INTS6L: variants seen among roughly 807,000 people sequenced by gnomAD.
INTS6L encodes the protein integrator complex subunit 6 like, also known as integrator complex subunit 6-like.
Under a neutral mutation model 64.7 loss-of-function variants are expected in INTS6L, and 18 were observed. That is an observed-to-expected ratio of 0.28 (90% CI 0.19 to 0.41). INTS6L has a LOEUF of 0.41. Among genes scored for constraint, INTS6L ranks in the 10% least tolerant of loss-of-function variants. The pLI is 1.00. For synonymous variants in INTS6L, 227 were observed against 235.9 expected (o/e 0.96, Z 0.34); for missense variants, 533 against 661.0 (o/e 0.81, Z 2.12).
At chrX:135,567,434 G>A (rs2086982063) in intron 9 of INTS6L, among the ~76,000 whole-genome samples, 1 of 111,830 alleles carries the variant, frequency 8.9e-6, no homozygotes, top group African/African-American at 3.2e-5. Context: ...GACTAAGGCA[G>A]TGTCACCCCA....
At chrX:135,557,188 A>G (rs1416220208) in intron 9 of INTS6L, among the ~76,000 whole-genome samples, 1 of 111,733 alleles carries the variant, frequency 8.9e-6, no homozygotes, top group African/African-American at 3.2e-5. Flanking sequence ...GCTGATTATC[A>G]TTAACATAAG....
chrX:135,535,511 A>C (rs1291017019), intron 2 of INTS6L, among the ~76,000 whole-genome samples: 2 of 112,331 alleles, frequency 1.8e-5, no homozygotes, highest in Non-Finnish European at 3.8e-5. Context: ...TTGGAAAAGC[A>C]GGGCTTCTTA....
intron 9 of INTS6L, among the ~76,000 whole-genome samples, chrX:135,563,680 T>G (rs1418756616): frequency 2.4e-5 from 2 of 83,393 alleles, no homozygotes; most frequent in African/African-American, 9.0e-5. Flanking sequence ...GCTATATATA[T>G]AGCTAGGTAT....
intron 2 of INTS6L, among the ~76,000 whole-genome samples, chrX:135,532,301 G>A (rs181220846): frequency 8.9e-6 from 1 of 112,456 alleles, no homozygotes; most frequent in Non-Finnish European, 1.9e-5. Context: ...GGATGTTGGC[G>A]ATATGCAGAG....
intron 9 of INTS6L, among the ~76,000 whole-genome samples, chrX:135,568,214 G>A (rs1398255631): frequency 1.9e-4 from 21 of 111,362 alleles, no homozygotes; most frequent in East Asian, 2.8e-4. Context: ...ATTTTCATGC[G>A]TATATAAAAT....
At chrX:135,567,245 C>T (rs781996439) in intron 9 of INTS6L, among the ~76,000 whole-genome samples, 2 of 111,677 alleles carry the variant, frequency 1.8e-5, no homozygotes, top group Non-Finnish European at 3.8e-5. Context: ...GAGAAAATAC[C>T]GGTCATTTTT....
At chrX:135,562,274 TG>T (rs1482872212) in intron 9 of INTS6L, among the ~76,000 whole-genome samples, 1 of 112,032 alleles carries the variant, frequency 8.9e-6, no homozygotes, top group African/African-American at 3.2e-5. Context: ...TATTTAGAAG[TG>T]TATTGTTTGA....
chrX:135,543,010 A>G (rs782430970), intron 2 of INTS6L, among the ~76,000 whole-genome samples: 1 of 110,986 alleles, frequency 9.0e-6, no homozygotes, highest in South Asian at 3.8e-4. Flanking sequence ...CCTCTGAAAT[A>G]CTTCCTTAAT....
intron 2 of INTS6L, among the ~76,000 whole-genome samples, chrX:135,522,271 GC>G (rs1279564752): frequency 2.7e-5 from 3 of 112,065 alleles, no homozygotes; most frequent in Non-Finnish European, 5.6e-5. Flanking sequence ...GTTTGTGCTA[GC>G]CACGTAGGAA....
intron 11 of INTS6L, chrX:135,572,160 C>G (rs1556527869): frequency 8.9e-6 from 1 of 111,785 alleles, no homozygotes; most frequent in African/African-American, 3.2e-5. Context: ...ATGTAAAACA[C>G]AAAATATGCC....
chrX:135,537,165 A>G (rs2086078939), intron 2 of INTS6L, among the ~76,000 whole-genome samples: 1 of 111,967 alleles, frequency 8.9e-6, no homozygotes, highest in South Asian at 3.7e-4. Flanking sequence ...AGAAAAGTGC[A>G]AATTCTCTCC....
rs782552833 is a variant in INTS6L at position 135,575,194 on chromosome X, A to G, written c.1852A>G (p.Thr618Ala). Residue 618 changes from threonine (T) to alanine (A), a missense_variant, in exon 14 of 18, where the codon ACT (threonine) becomes GCT (alanine). Coordinates refer to ENST00000639893, the MANE Select transcript of INTS6L (RefSeq NM_001351601.3). The part of the protein sequence containing the change: ...IDPDQPKRLH[T>A]FGNPFKQDKK... The stretch of plus-strand genomic sequence containing the variant: ...TCCAGACCAACCCAAAAGACTGCAT[A>G]CTTTTGGCAATCCGTTTAAACAAGA... The G allele has an allele frequency of 1.7e-6, 2 of 1,210,817 alleles. No individual in the cohort carries two copies. Among genetic ancestry groups the G allele is most frequent in the Non-Finnish European group, 2.2e-6 (2 of 895,168 alleles).
chrX:135,570,272 T>G, intron 10 of INTS6L, 164 bp from the exon 11 acceptor site: 1 of 398,673 alleles, frequency 2.5e-6, no homozygotes, highest in Non-Finnish European at 4.1e-6. Flanking sequence ...GCTCCTTACT[T>G]CTCTGCTATT....
chrX:135,523,392 ACT>A (rs1556499015), intron 2 of INTS6L, among the ~76,000 whole-genome samples: 3 of 65,678 alleles, frequency 4.6e-5, no homozygotes, highest in Admixed American at 2.5e-4. Context: ...AGAAAGTGAA[ACT>A]CTGTCGTCAA....
chrX:135,541,999 C>T (rs1482591234), intron 2 of INTS6L, among the ~76,000 whole-genome samples: 3 of 111,265 alleles, frequency 2.7e-5, no homozygotes, highest in African/African-American at 9.8e-5. Flanking sequence ...GCATGTTGAG[C>T]AATGGACATA....
intron 9 of INTS6L, among the ~76,000 whole-genome samples, chrX:135,567,525 A>G (rs191363692): frequency 8.9e-6 from 1 of 112,378 alleles, no homozygotes; most frequent in East Asian, 2.8e-4. Flanking sequence ...GGCAGAAAAT[A>G]ATTAGCCTAA....
At chrX:135,552,375 A>G (rs887057549) in intron 8 of INTS6L, among the ~76,000 whole-genome samples, 2 of 111,842 alleles carry the variant, frequency 1.8e-5, no homozygotes, top group African/African-American at 6.5e-5. Flanking sequence ...GATGAAACCT[A>G]TATATTTGAA....
In INTS6L at chrX:135,577,324, A is replaced by G. The variant is rs782467823; in HGVS notation, c.2016A>G (p.Gln672=). Residue 672 remains glutamine, a synonymous_variant, in exon 15 of 18, where the codon CAA becomes CAG. Transcript: ENST00000639893. ...TGTCCCTGCTGTTGAGGAAACCACA[A>G]ACACCACCTACTGTAACTAACCATG... The part of the protein sequence containing the change: ...RSMSLLLRKP[Q]TPPTVTNHVG... 1.9e-5 allele frequency: 23 copies of G among 1,209,638 alleles called. No homozygotes were observed. Among genetic ancestry groups the G allele is most frequent in the Non-Finnish European group, 2.6e-5 (23 of 895,203 alleles).
chrX:135,545,258 C>T (rs1020464180), intron 2 of INTS6L, among the ~76,000 whole-genome samples, 165 bp from the exon 3 acceptor site: 1 of 111,958 alleles, frequency 8.9e-6, no homozygotes, highest in African/African-American at 3.3e-5. Flanking sequence ...CAGGTCTTTC[C>T]GAAACTGCTT....
Sources: gnomAD v4.1 joint callset for allele counts (sites outside exome capture counted in the v4.1 genomes callset) on GRCh38, gnomAD v4.1.1 for gene constraint, MANE v1.5 for transcripts, NCBI Gene and HGNC (gene_info 2026-07-23, HGNC 2026-07-21) for gene names.